The following SLC7A13 variants were observed in gnomAD, a reference collection of about 807,000 sequenced individuals.
The protein encoded by SLC7A13 is solute carrier family 7 member 13.
SLC7A13 carries 31 observed loss-of-function variants against 32.0 expected under a neutral mutation model. That is an observed-to-expected ratio of 0.97 (90% CI 0.73 to 1.31). SLC7A13 has a LOEUF of 1.31. SLC7A13 is among the 50% of genes most tolerant of loss of function. SLC7A13 has a pLI of 0.00. For synonymous variants in SLC7A13, 232 were observed against 206.9 expected, an observed-to-expected ratio of 1.12 and a Z score of -1.04; for missense variants, 633 against 546.9, an observed-to-expected ratio of 1.16 and a Z score of -1.57.
chr8:86,216,716 G>C (rs1399682778), intron 3 of SLC7A13, among the ~76,000 whole-genome samples: 1 of 152,154 alleles, frequency 6.6e-6, no homozygotes, highest in Non-Finnish European at 1.5e-5. Flanking sequence ...AATCCATGCT[G>C]TGTGAGCTTG....
At chr8:86,217,358 G>A (rs940707264) in intron 3 of SLC7A13, 112 bp downstream of exon 3, 1 of 1,010,146 alleles carries the variant, frequency 9.9e-7, no homozygotes. Flanking sequence ...GTGTTTCACA[G>A]TAACTGAGTA....
At position 86,229,748 on chromosome 8, in the gene SLC7A13, G is replaced by C. The variant is rs1156689343; in HGVS notation, c.530C>G (p.Thr177Ser). The C allele has an allele frequency of 6.2e-7, 1 of 1,614,070 alleles. No homozygotes were observed. Among genetic ancestry groups the C allele is most frequent in the Non-Finnish European group, 8.5e-7 (1 of 1,180,048 alleles). Reference sequence around the variant, plus strand: ...CCCTCTTATCAGGAACACTACTCCAGTTAGGGAAATGAAGCTAAGTATGGA... The same window carrying C: ...CCCTCTTATCAGGAACACTACTCCACTTAGGGAAATGAAGCTAAGTATGGA... ...KVSILSFISL[T>S]GVVFLIRGKK... Residue 177 changes from threonine (T) to serine (S), a missense_variant, in exon 1 of 4, where the codon ACT (threonine) becomes AGT (serine). Physicochemically the swap from Thr to Ser is moderately conservative, Grantham distance 58. Coordinates refer to ENST00000297524, the MANE Select transcript of SLC7A13 (RefSeq NM_138817.3).
At position 86,214,270 on chromosome 8, in the gene SLC7A13, A is replaced by T. The variant is rs1820139224; in HGVS notation, c.*143T>A. ...CAGGTACTGTCTTAGGCACTTTTGT[A>T]TACATTACTTATTTCATTTGAGAAA... On this transcript the variant is annotated 3_prime_UTR_variant, in exon 4 of 4. Coordinates refer to ENST00000297524, the MANE Select transcript of SLC7A13 (RefSeq NM_138817.3). 1.7e-5 allele frequency: 10 copies of T among 603,222 alleles called. No homozygotes were observed. In the South Asian group the frequency reaches 2.2e-4, roughly 13 times the overall value. 37.4% of individuals were successfully genotyped at this position (603,222 alleles called of 1,614,324 possible).
At position 86,217,691 on chromosome 8, in the gene SLC7A13, C is replaced by T; in HGVS notation, c.958G>A (p.Glu320Lys). ...SSRPIYLASQ[E>K]GQLPLLFNTL... ...TTAAATAGCAAAGGCAGCTGGCCCT[C>T]TTGGCTTGCAAGATATATTGGTCTC... The change falls in exon 3 of 4, where the codon GAG becomes AAG. Residue 320 changes from glutamate to lysine, a missense_variant. By Grantham distance (56) the Glu-to-Lys change is moderately conservative (BLOSUM62 1). Transcript: ENST00000297524. The T allele has an allele frequency of 6.2e-7, 1 of 1,613,474 alleles. No individual in the cohort carries two copies. Among genetic ancestry groups the T allele is most frequent in the South Asian group, 1.1e-5 (1 of 91,052 alleles).
Position 86,229,670 on chromosome 8 carries a change from T to A in SLC7A13, c.608A>T (p.Asp203Val). The change falls in exon 1 of 4, where the codon GAT becomes GTT. Residue 203 changes from aspartate to valine, a missense_variant. Physicochemically the swap from Asp to Val is radical, Grantham distance 152. Coordinates refer to ENST00000297524, the MANE Select transcript of SLC7A13 (RefSeq NM_138817.3). ...GATGGCTTGTATAAGGTGAGAGATA[T>A]CTGGAAGTTCAGCATCAAAAGCATT... ...FQNAFDAELPDISHLIQAIFQ... is the reference protein window; with the variant it reads ...FQNAFDAELPVISHLIQAIFQ... 1 of 1,614,174 alleles carries A rather than the reference T, an allele frequency of 6.2e-7. No individual in the cohort carries two copies. Among genetic ancestry groups the A allele is most frequent in the East Asian group, 2.2e-5 (1 of 44,876 alleles).
chr8:86,220,569 C>A (rs1400664003), intron 2 of SLC7A13, among the ~76,000 whole-genome samples: 1 of 152,036 alleles, frequency 6.6e-6, no homozygotes, highest in Non-Finnish European at 1.5e-5. Flanking sequence ...GTAATTCTTT[C>A]AATGTTCCTT....
At chr8:86,220,734 T>G (rs746580457) in intron 2 of SLC7A13, among the ~76,000 whole-genome samples, 8 of 152,116 alleles carry the variant, frequency 5.3e-5, no homozygotes, top group Admixed American at 1.3e-4. Context: ...TTGGGCCTAG[T>G]GGCTCACGTC....
Position 86,223,049 on chromosome 8 carries a change from G to C in SLC7A13, c.740C>G (p.Pro247Arg). ...TIPKCIFTAL[P>R]LVTVVYLLVN... Reference sequence around the variant, plus strand: ...CAGTAAATAAACTACAGTCACCAGAGGTAACGCAGTAAATATGCATTTGGG... The same window carrying C: ...CAGTAAATAAACTACAGTCACCAGACGTAACGCAGTAAATATGCATTTGGG... The change falls in exon 2 of 4, where the codon CCT becomes CGT. Residue 247 changes from proline to arginine, a missense_variant. Transcript: ENST00000297524. 1 of 1,607,068 alleles carries C rather than the reference G, an allele frequency of 6.2e-7. No homozygotes were observed. Among genetic ancestry groups the C allele is most frequent in the Non-Finnish European group, 8.5e-7 (1 of 1,176,616 alleles).
chr8:86,228,960 C>T (rs1820438033), intron 1 of SLC7A13, among the ~76,000 whole-genome samples: 1 of 152,152 alleles, frequency 6.6e-6, no homozygotes, highest in African/African-American at 2.4e-5. Context: ...GGATTATAGG[C>T]ATGAGACATC....
At chr8:86,224,632 C>T (rs1820357821) in intron 1 of SLC7A13, among the ~76,000 whole-genome samples, 1 of 152,114 alleles carries the variant, frequency 6.6e-6, no homozygotes, top group African/African-American at 2.4e-5. Context: ...TTGTCCTACC[C>T]TGAGAATTGC....
intron 1 of SLC7A13, among the ~76,000 whole-genome samples, chr8:86,226,312 C>T (rs1820388059): frequency 6.6e-6 from 1 of 152,168 alleles, no homozygotes; most frequent in African/African-American, 2.4e-5. Flanking sequence ...CATTTAATCA[C>T]AAGCCATGTA....
chr8:86,220,335 C>A lies in SLC7A13; in HGVS notation c.818-2504G>T, dbSNP rs901412823. On this transcript the variant is annotated intron_variant, in intron 2 of 3. Coordinates refer to ENST00000297524, the MANE Select transcript of SLC7A13 (RefSeq NM_138817.3). ...TTCAAAGCTGGGACAGGGCTCCTCA[C>A]TAAGGCATTTCCATACACCTTTTTC... Among the ~76,000 whole-genome samples the A allele has an allele frequency of 3.9e-5, 6 of 152,252 alleles. No homozygotes were observed. The East Asian group carries it at 1.2e-3, about 29-fold the overall frequency.
At chr8:86,225,923 A>AT (rs535768031) in intron 1 of SLC7A13, among the ~76,000 whole-genome samples, 64 of 151,150 alleles carry the variant, frequency 4.2e-4, no homozygotes, top group South Asian at 3.6e-3. Context: ...AAAAAATAGA[A>AT]TTTTTTTTTT....
chr8:86,214,589 G>A lies in SLC7A13; in HGVS notation c.1237C>T (p.Pro413Ser). The A allele has an allele frequency of 6.2e-7, 1 of 1,613,694 alleles. No homozygotes were observed. The highest frequency in any genetic ancestry group is 8.5e-7 in the Non-Finnish European group (1 of 1,179,820). ...TGCACATTTGGAGACTTTACCAATG[G>A]TATCACAACCAAGCCCACGTCGATG... is the stretch of plus-strand genomic sequence containing the variant. ...IVIDVGLVVI[P>S]LVKSPNVHYV... The change falls in exon 4 of 4, where the codon CCA becomes TCA. Residue 413 changes from proline (P) to serine (S), a missense_variant. By Grantham distance (74) the Pro-to-Ser change is moderately conservative. Transcript: ENST00000297524.
intron 2 of SLC7A13, among the ~76,000 whole-genome samples, chr8:86,218,415 C>G (rs548692051): frequency 6.6e-6 from 1 of 152,072 alleles, no homozygotes; most frequent in Non-Finnish European, 1.5e-5. Flanking sequence ...TTTCTATAGA[C>G]CAGTAATTCT....
At position 86,217,801 on chromosome 8, in the gene SLC7A13, G is replaced by T. The variant is rs1418038328; in HGVS notation, c.848C>A (p.Ala283Asp). The T allele has an allele frequency of 1.3e-6, 2 of 1,599,750 alleles. No homozygotes were observed. Among genetic ancestry groups the T allele is most frequent in the South Asian group, 2.3e-5 (2 of 88,504 alleles). ...CATAATCCATGCTAATGAGGGAAAA[G>T]CTCGATCAGCCCATGTGATAGCTAC... is the stretch of plus-strand genomic sequence containing the variant. The part of the protein sequence containing the change: ...DAVAITWADR[A>D]FPSLAWIMPF... The change falls in exon 3 of 4, where the codon GCT (alanine) becomes GAT (aspartate). Residue 283 changes from alanine (A) to aspartate (D), a missense_variant. Physicochemically the swap from Ala to Asp is moderately radical, Grantham distance 126. Coordinates refer to ENST00000297524, the MANE Select transcript of SLC7A13 (RefSeq NM_138817.3).
At chr8:86,216,613 T>A (rs1337890617) in intron 3 of SLC7A13, among the ~76,000 whole-genome samples, 3 of 152,184 alleles carry the variant, frequency 2.0e-5, no homozygotes, top group Non-Finnish European at 4.4e-5. Flanking sequence ...ATGAGAACAT[T>A]GCTTTCTTTC....
chr8:86,222,463 A>G (rs1283932658), intron 2 of SLC7A13, among the ~76,000 whole-genome samples: 1 of 152,154 alleles, frequency 6.6e-6, no homozygotes, highest in Non-Finnish European at 1.5e-5. Flanking sequence ...TGTTCAGGAC[A>G]CTTTGCCACC....
At chr8:86,225,197 C>A (rs911067085) in intron 1 of SLC7A13, among the ~76,000 whole-genome samples, 5 of 152,172 alleles carry the variant, frequency 3.3e-5, no homozygotes, top group Non-Finnish European at 7.4e-5. Flanking sequence ...TTGACTATAT[C>A]AAATTTCTTC....
Sources: gnomAD v4.1 joint callset for allele counts (sites outside exome capture counted in the v4.1 genomes callset) on GRCh38, gnomAD v4.1.1 for gene constraint, MANE v1.5 for transcripts, NCBI Gene and HGNC (gene_info 2026-07-23, HGNC 2026-07-21) for gene names.